Variants in DLC1 observed in about 807,000 individuals in gnomAD.
DLC1 encodes the protein rho GTPase-activating protein 7.
Under a neutral mutation model 140.3 loss-of-function variants are expected in DLC1, and 54 were observed. The observed-to-expected ratio is 0.38, with a 90% CI of 0.31 to 0.48. The LOEUF is 0.48. Among genes scored for constraint, DLC1 ranks in the 20% least tolerant of loss-of-function variants. The pLI is 0.96. For missense variants in DLC1, 2,536 were observed against 1,907.0 expected (o/e 1.33, Z -6.14); for synonymous variants, 986 against 728.1 (o/e 1.35, Z -5.70).
At chr8:13,190,175 A>T (rs1826663425) in intron 5 of DLC1, among the ~76,000 whole-genome samples, 2 of 152,250 alleles carry the variant, frequency 1.3e-5, no homozygotes, top group Admixed American at 1.3e-4. Flanking sequence ...GTTTATGTCA[A>T]GGTGAGTGCT....
chr8:13,390,110 G>C (rs1836684823), intron 4 of DLC1, among the ~76,000 whole-genome samples: 2 of 152,020 alleles, frequency 1.3e-5, no homozygotes, highest in African/African-American at 2.4e-5. Flanking sequence ...TCTTCATTCT[G>C]ATATTCCAAC....
chr8:13,546,383 A>C (rs985662797), intron 1 of DLC1, among the ~76,000 whole-genome samples: 1 of 152,122 alleles, frequency 6.6e-6, no homozygotes, highest in African/African-American at 2.4e-5. Flanking sequence ...AATATGATGA[A>C]ATATTTTAGA....
At chr8:13,324,994 A>G (rs1422671560) in intron 4 of DLC1, among the ~76,000 whole-genome samples, 1 of 152,218 alleles carries the variant, frequency 6.6e-6, no homozygotes, top group Admixed American at 6.5e-5. Flanking sequence ...AAAACACTGA[A>G]TGCTAAAATA....
At chr8:13,102,563 G>T (rs1473614990) in intron 8 of DLC1, among the ~76,000 whole-genome samples, 1 of 152,192 alleles carries the variant, frequency 6.6e-6, no homozygotes, top group Non-Finnish European at 1.5e-5. Context: ...AATAATAGCT[G>T]ATGTGATCAG....
At chr8:13,461,559 T>C (rs941192342) in intron 2 of DLC1, among the ~76,000 whole-genome samples, 6 of 152,254 alleles carry the variant, frequency 3.9e-5, no homozygotes, top group Middle Eastern at 3.2e-3. Context: ...TTTTTAATAA[T>C]GATGATGATA....
At position 13,253,001 on chromosome 8, in the gene DLC1, T is replaced by C. The variant is rs75411059; in HGVS notation, c.1348+52268A>G. 1.2e-3 allele frequency among the ~76,000 whole-genome samples: 188 copies of C among 152,304 alleles called. 6 individuals are homozygous for C. The East Asian group carries it at 0.034, about 27-fold the overall frequency. Reference sequence around the variant, plus strand: ...ACCTTAAAATACATTATAATGAAGCTAGAATAGGTTCACAAACAGTAATCC... The same window carrying C: ...ACCTTAAAATACATTATAATGAAGCCAGAATAGGTTCACAAACAGTAATCC... On this transcript the variant is annotated intron_variant, in intron 5 of 17. Coordinates refer to ENST00000276297, the MANE Select transcript of DLC1 (RefSeq NM_182643.3).
chr8:13,366,261 C>T (rs1245770747), intron 4 of DLC1, among the ~76,000 whole-genome samples: 1 of 152,190 alleles, frequency 6.6e-6, no homozygotes, highest in African/African-American at 2.4e-5. Flanking sequence ...CTGCTTTCAT[C>T]TGCTTTCTGG....
intron 5 of DLC1, among the ~76,000 whole-genome samples, chr8:13,270,321 TAAAG>T (rs1183875441): frequency 2.6e-5 from 4 of 152,138 alleles, no homozygotes; most frequent in African/African-American, 9.7e-5. Context: ...CTACTTTAAA[TAAAG>T]AAAGTCACAG....
chr8:13,199,160 T>A (rs1371228800), intron 5 of DLC1, among the ~76,000 whole-genome samples: 1 of 149,610 alleles, frequency 6.7e-6, no homozygotes, highest in Non-Finnish European at 1.5e-5. Flanking sequence ...CACTAGTAAA[T>A]GTCTCCTTCT....
chr8:13,102,574 G>C (rs1819185711), intron 8 of DLC1, among the ~76,000 whole-genome samples: 1 of 152,098 alleles, frequency 6.6e-6, no homozygotes, highest in Non-Finnish European at 1.5e-5. Context: ...ATGTGATCAG[G>C]TCAAAAACAA....
At chr8:13,566,256 T>C (rs1350710859) in intron 1 of DLC1, among the ~76,000 whole-genome samples, 1 of 152,056 alleles carries the variant, frequency 6.6e-6, no homozygotes, top group Non-Finnish European at 1.5e-5. Flanking sequence ...TTAACGATAT[T>C]AAGAGTGAGG....
At chr8:13,514,935 A>T (rs1045415939), upstream of DLC1, 1 of 294,616 alleles carries the variant, frequency 3.4e-6, no homozygotes, top group African/African-American at 2.2e-5. Flanking sequence ...GCATGCTAGA[A>T]AGGCTGTACG....
rs535092622 is a variant in DLC1, at chr8:13,345,547, CT to C, written c.1315-40246del. Among the ~76,000 whole-genome samples, 228 of 67,418 alleles carry C rather than the reference CT, an allele frequency of 3.4e-3. 1 individual carries two copies. Among genetic ancestry groups the C allele is most frequent in the Middle Eastern group, 0.028 (2 of 72 alleles). 44.2% of individuals were successfully genotyped at this position (67,418 alleles called of 152,430 possible). A position where few individuals can be genotyped will look rare whatever the true frequency, so the allele number is the denominator to read the frequency against. ...GATTATCTGAAATTTTTCACTCACA[CT>C]TTTTTTTTTTTTTTTTTTTTTTGGA... is the stretch of plus-strand genomic sequence containing the variant. On this transcript the variant is annotated intron_variant, in intron 4 of 17. Transcript: ENST00000276297.
intron 1 of DLC1, among the ~76,000 whole-genome samples, chr8:13,579,379 TTTATATA>T (rs374674066): frequency 0.021 from 605 of 28,276 alleles, 194 homozygotes; most frequent in Non-Finnish European, 0.039. Flanking sequence ...ATAATACATA[TTTATATA>T]TTATATATTA....
chr8:13,405,320 A>C (rs1431537237), intron 2 of DLC1, among the ~76,000 whole-genome samples: 1 of 151,600 alleles, frequency 6.6e-6, no homozygotes, highest in Non-Finnish European at 1.5e-5. Context: ...TGTGGTCCTC[A>C]GTGACTATTG....
chr8:13,405,335 C>A (rs951530208), intron 2 of DLC1, among the ~76,000 whole-genome samples: 3 of 151,770 alleles, frequency 2.0e-5, no homozygotes, highest in Admixed American at 6.6e-5. Flanking sequence ...CTATTGTTCC[C>A]ATCTTTATGT....
At chr8:13,573,680 T>C (rs971196388) in intron 1 of DLC1, among the ~76,000 whole-genome samples, 2 of 152,168 alleles carry the variant, frequency 1.3e-5, no homozygotes, top group East Asian at 1.9e-4. Flanking sequence ...ATTTTGTCAG[T>C]TTTTTCCTGC....
At chr8:13,531,617 C>A (rs561209258) in intron 1 of DLC1, among the ~76,000 whole-genome samples, 1 of 151,974 alleles carries the variant, frequency 6.6e-6, no homozygotes, top group African/African-American at 2.4e-5. Context: ...TTAATACTAG[C>A]AACTCAATGT....
chr8:13,594,951 T>G (rs1805636193), intron 1 of DLC1, among the ~76,000 whole-genome samples: 1 of 152,094 alleles, frequency 6.6e-6, no homozygotes, highest in Admixed American at 6.6e-5. Context: ...TGATTGATTC[T>G]TAATCTTTGA....
Sources: allele counts gnomAD v4.1 joint callset (sites outside exome capture counted in the v4.1 genomes callset), GRCh38; gene constraint gnomAD v4.1.1; transcripts MANE v1.5; gene names NCBI Gene and HGNC (gene_info 2026-07-23, HGNC 2026-07-21).